AGAP1: variants seen among roughly 807,000 people sequenced by gnomAD.
AGAP1 encodes the protein ArfGAP with GTPase domain, ankyrin repeat and PH domain 1, also known as arf-GAP with GTPase, ANK repeat and PH domain-containing protein 1.
In AGAP1, 29 loss-of-function variants were observed where a neutral mutation model predicts 105.3. The ratio of observed to expected loss-of-function variants is 0.28; its 90% confidence interval spans 0.21 to 0.38. The LOEUF (loss-of-function observed/expected upper bound fraction) is 0.38. Ranked by LOEUF, AGAP1 falls within the 10% of genes least tolerant of loss-of-function variation. The pLI is 1.00. For synonymous variants in AGAP1, 509 were observed against 485.9 expected (o/e 1.05, Z -0.63); for missense variants, 998 against 1,165.1 (o/e 0.86, Z 2.09).
Position 235,555,263 on chromosome 2 carries a change from C to T in AGAP1, c.163+60414C>T, listed in dbSNP as rs144249691. On this transcript the variant is annotated intron_variant, in intron 1 of 17. Transcript: ENST00000304032. The surrounding 1 kb of genome is among the most constrained non-coding windows in gnomAD (Gnocchi z 5.1). ...CACCCACTTCTGTGATGCACAGAACCTGCCGCCCTGCCCTGTCTCTTTGTG... is the reference window on the plus strand; with the variant it reads ...CACCCACTTCTGTGATGCACAGAACTTGCCGCCCTGCCCTGTCTCTTTGTG... Among the ~76,000 whole-genome samples, 80 of 152,288 alleles carry T rather than the reference C, an allele frequency of 5.3e-4. No individual in the cohort carries two copies. The East Asian group carries it at 0.011, about 20-fold the overall frequency.
At chr2:235,708,499 G>C (rs1950664092) in intron 1 of AGAP1, among the ~76,000 whole-genome samples, 1 of 152,126 alleles carries the variant, frequency 6.6e-6, no homozygotes. Context: ...AGAGGGCTGG[G>C]CTCTGTAGAC....
intron 1 of AGAP1, among the ~76,000 whole-genome samples, chr2:235,534,249 G>C (rs1943137418): frequency 6.6e-6 from 1 of 152,208 alleles, no homozygotes; most frequent in Admixed American, 6.5e-5. Flanking sequence ...GCGTGCGCAT[G>C]GTGGGGATGA....
intron 1 of AGAP1, among the ~76,000 whole-genome samples, chr2:235,645,035 ACAGGTG>A (rs1947328335): frequency 6.6e-6 from 1 of 152,002 alleles, no homozygotes; most frequent in Non-Finnish European, 1.5e-5. Flanking sequence ...AGCTGGGATT[ACAGGTG>A]CCTGCCACCA....
rs62190948 is a variant in AGAP1, at chr2:235,930,484, C to T, written c.1325-281C>T. 2.6e-5 allele frequency among the ~76,000 whole-genome samples: 4 copies of T among 152,168 alleles called. No homozygotes were observed. The highest frequency in any genetic ancestry group is 4.4e-5 in the Non-Finnish European group (3 of 68,028). On this transcript the variant is annotated intron_variant, in intron 11 of 17. Transcript: ENST00000304032. The surrounding 1 kb of genome is among the most constrained non-coding windows in gnomAD (Gnocchi z 7.9). ...TCACTTCCACTCGATGTTGCGGTTGCGGTTGGGTTGCGTCTTTGTATAGGG... is the reference window on the plus strand; with the variant it reads ...TCACTTCCACTCGATGTTGCGGTTGTGGTTGGGTTGCGTCTTTGTATAGGG...
rs143818113 is a variant in AGAP1, at chr2:235,989,512, G to C, written c.1645+20889G>C. 6.6e-6 allele frequency among the ~76,000 whole-genome samples: 1 copy of C among 152,178 alleles called. No homozygotes were observed. Among genetic ancestry groups the C allele is most frequent in the Non-Finnish European group, 1.5e-5 (1 of 68,030 alleles). ...GAGGAGGGTTTGCCCTAGGGAGGCA[G>C]CCCCAGGCAGGGCCTGGGCACACTG... is the stretch of plus-strand genomic sequence containing the variant. On this transcript the variant is annotated intron_variant, in intron 13 of 17. Coordinates refer to ENST00000304032, the MANE Select transcript of AGAP1 (RefSeq NM_001037131.3). The surrounding 1 kb of genome is among the most constrained non-coding windows in gnomAD (Gnocchi z 4.4).
At position 235,540,047 on chromosome 2, in the gene AGAP1, G is replaced by A. The variant is rs117641838; in HGVS notation, c.163+45198G>A. Among the ~76,000 whole-genome samples, 69 of 152,158 alleles carry A rather than the reference G, an allele frequency of 4.5e-4. No homozygotes were observed. In the East Asian group the frequency reaches 0.013, roughly 28 times the overall value. On this transcript the variant is annotated intron_variant, in intron 1 of 17. Coordinates refer to ENST00000304032, the MANE Select transcript of AGAP1 (RefSeq NM_001037131.3). ...CTGCTCAGGAAGGTGGTGGGGAAGG[G>A]GTAGGCAGGATGGACAGATGGACAG...
At chr2:235,763,035 G>GGTGTGT (rs145122803) in intron 6 of AGAP1, among the ~76,000 whole-genome samples, 31 of 139,974 alleles carry the variant, frequency 2.2e-4, no homozygotes, top group African/African-American at 7.8e-4. Flanking sequence ...TTAAGGCTCG[G>GGTGTGT]GTGTGTGTGT....
In AGAP1 at chr2:235,615,299, A is replaced by G. The variant is rs1488192172; in HGVS notation, c.164-93880A>G. 2.0e-5 allele frequency among the ~76,000 whole-genome samples: 3 copies of G among 152,164 alleles called. No homozygotes were observed. Among genetic ancestry groups the G allele is most frequent in the East Asian group, 3.9e-4 (2 of 5,190 alleles). On this transcript the variant is annotated intron_variant, in intron 1 of 17. Coordinates refer to ENST00000304032, the MANE Select transcript of AGAP1 (RefSeq NM_001037131.3). This position sits in a 1 kb window ranked among gnomAD's most constrained non-coding sequence, Gnocchi z 5.0. Reference sequence around the variant, plus strand: ...CAAAGGGCATGTGACTACAGCATCCATCCTCCCTGCTCTGCCTCGCACTGC... The same window carrying G: ...CAAAGGGCATGTGACTACAGCATCCGTCCTCCCTGCTCTGCCTCGCACTGC...
At chr2:235,857,962 G>C (rs1199577861) in intron 9 of AGAP1, among the ~76,000 whole-genome samples, 2 of 152,150 alleles carry the variant, frequency 1.3e-5, no homozygotes, top group African/African-American at 2.4e-5. Context: ...GGGTGATCTT[G>C]GGGGATTTTC....
At position 235,901,326 on chromosome 2, in the gene AGAP1, C is replaced by T. The variant is rs1423814497; in HGVS notation, c.1156-7412C>T. 6.6e-6 allele frequency among the ~76,000 whole-genome samples: 1 copy of T among 151,534 alleles called. No homozygotes were observed. Among genetic ancestry groups the T allele is most frequent in the Non-Finnish European group, 1.5e-5 (1 of 67,952 alleles). ...GAAGTGAGGCTTTTTAAAAATAGAACTTCACAAATTACTGCTTCCTTTTGA... is the reference window on the plus strand; with the variant it reads ...GAAGTGAGGCTTTTTAAAAATAGAATTTCACAAATTACTGCTTCCTTTTGA... On this transcript the variant is annotated intron_variant, in intron 10 of 17. Transcript: ENST00000304032. The surrounding 1 kb of genome is among the most constrained non-coding windows in gnomAD (Gnocchi z 4.3).
rs960581417 is a variant in AGAP1 at position 235,721,567 on chromosome 2, A to C, written c.310+3923A>C. 6.6e-6 allele frequency among the ~76,000 whole-genome samples: 1 copy of C among 152,164 alleles called. No individual in the cohort carries two copies. The highest frequency in any genetic ancestry group is 2.4e-5 in the African/African-American group (1 of 41,434). Reference sequence around the variant, plus strand: ...CCTAGCACTGTAGTAACGAACTGCCACACACAGTGTGGCTTAAAACAGAAA... The same window carrying C: ...CCTAGCACTGTAGTAACGAACTGCCCCACACAGTGTGGCTTAAAACAGAAA... On this transcript the variant is annotated intron_variant, in intron 3 of 17. Coordinates refer to ENST00000304032, the MANE Select transcript of AGAP1 (RefSeq NM_001037131.3). This position sits in a 1 kb window ranked among gnomAD's most constrained non-coding sequence, Gnocchi z 4.5.
At chr2:236,016,736 C>A (rs2056717216) in intron 13 of AGAP1, among the ~76,000 whole-genome samples, 1 of 152,154 alleles carries the variant, frequency 6.6e-6, no homozygotes, top group Non-Finnish European at 1.5e-5. Flanking sequence ...TCTGTCAGTA[C>A]TGGATAGCAC....
At chr2:235,805,548 TAAAA>T (rs202123913) in intron 8 of AGAP1, among the ~76,000 whole-genome samples, 3 of 151,972 alleles carry the variant, frequency 2.0e-5, no homozygotes, top group African/African-American at 7.2e-5. Context: ...TTTTGTTAAT[TAAAA>T]AAAAATTTTT....
chr2:235,534,532 A>G (rs761277422), intron 1 of AGAP1, among the ~76,000 whole-genome samples: 60 of 152,006 alleles, frequency 3.9e-4, no homozygotes, highest in Non-Finnish European at 7.8e-4. Context: ...TTGGGTTGGT[A>G]TTTGTCTCCA....
At chr2:235,592,883 T>A (rs1326267242) in intron 1 of AGAP1, among the ~76,000 whole-genome samples, 1 of 152,120 alleles carries the variant, frequency 6.6e-6, no homozygotes, top group African/African-American at 2.4e-5. Context: ...CTGCACAGTT[T>A]CCAGGAACAC....
At position 235,639,296 on chromosome 2, in the gene AGAP1, G is replaced by T. The variant is rs1283175134; in HGVS notation, c.164-69883G>T. Among the ~76,000 whole-genome samples the T allele has an allele frequency of 6.6e-6, 1 of 152,122 alleles. No homozygotes were observed. The highest frequency in any genetic ancestry group is 1.9e-4 in the East Asian group (1 of 5,168). ...TCTCAAGCTCAGAGCTGAGCTGGGG[G>T]CATCCATTTGAAGGTTATGGGAAGA... On this transcript the variant is annotated intron_variant, in intron 1 of 17. Transcript: ENST00000304032. This position sits in a 1 kb window ranked among gnomAD's most constrained non-coding sequence, Gnocchi z 5.3.
At chr2:235,703,716 G>A (rs2149487568) in intron 1 of AGAP1, among the ~76,000 whole-genome samples, 1 of 152,074 alleles carries the variant, frequency 6.6e-6, no homozygotes, top group South Asian at 2.1e-4. Flanking sequence ...TCCTGCCTTA[G>A]CCTCCAAGTA....
intron 6 of AGAP1, chr2:235,776,984 T>G (rs572546495): frequency 2.1e-6 from 1 of 471,148 alleles, no homozygotes; most frequent in Non-Finnish European, 4.4e-6. Flanking sequence ...GAGTACATGG[T>G]GAGTTCCCAG....
At position 235,778,986 on chromosome 2, in the gene AGAP1, G is replaced by A. The variant is rs369192020; in HGVS notation, c.674-18773G>A. On this transcript the variant is annotated intron_variant, in intron 6 of 17. Coordinates refer to ENST00000304032, the MANE Select transcript of AGAP1 (RefSeq NM_001037131.3). ...ACCAACCCCAAGAAGCATATCCTGTGTGTATGTTTTACAGATAAGGAAACT... is the reference window on the plus strand; with the variant it reads ...ACCAACCCCAAGAAGCATATCCTGTATGTATGTTTTACAGATAAGGAAACT... 5.3e-5 allele frequency among the ~76,000 whole-genome samples: 8 copies of A among 152,340 alleles called. 1 individual carries two copies. Among genetic ancestry groups the A allele is most frequent in the African/African-American group, 1.7e-4 (7 of 41,574 alleles).
Sources: gnomAD v4.1 joint callset for allele counts (sites outside exome capture counted in the v4.1 genomes callset) on GRCh38, gnomAD v4.1.1 for gene constraint, Gnocchi (gnomAD v3.1) non-coding constraint, MANE v1.5 for transcripts, NCBI Gene and HGNC (gene_info 2026-07-23, HGNC 2026-07-21) for gene names.